The following ATP10B variants were observed in gnomAD, a reference collection of about 807,000 sequenced individuals.
ATP10B encodes the protein ATPase phospholipid transporting 10B (putative), also known as phospholipid-transporting ATPase VB.
ATP10B carries 122 observed loss-of-function variants against 141.2 expected under a neutral mutation model. The observed-to-expected ratio is 0.86, with a 90% confidence interval of 0.75 to 1.00. ATP10B has a LOEUF of 1.00. Among genes scored for constraint, ATP10B ranks in the 50% least tolerant of loss-of-function variants. ATP10B has a pLI of 0.00. For synonymous variants in ATP10B, 685 were observed against 692.0 expected, an observed-to-expected ratio of 0.99 and a Z score of 0.16; for missense variants, 1,876 against 1,825.3, an observed-to-expected ratio of 1.03 and a Z score of -0.51.
At chr5:160,748,160 G>T (rs371328503) in intron 2 of ATP10B, among the ~76,000 whole-genome samples, 1 of 151,766 alleles carries the variant, frequency 6.6e-6, no homozygotes, top group East Asian at 1.9e-4. Context: ...CTGCAGTACC[G>T]CTTTTGGAAG....
At chr5:160,655,582 C>A (rs1478527606) in intron 7 of ATP10B, among the ~76,000 whole-genome samples, 3 of 152,086 alleles carry the variant, frequency 2.0e-5, no homozygotes, top group Non-Finnish European at 4.4e-5. Context: ...TGAGGAGATG[C>A]AAAGCAGACC....
chr5:160,826,557 A>G (rs942088905), intron 1 of ATP10B, among the ~76,000 whole-genome samples: 4 of 152,170 alleles, frequency 2.6e-5, no homozygotes, highest in African/African-American at 7.2e-5. Context: ...GTGCACCTTG[A>G]AAAAGAACAG....
intron 7 of ATP10B, among the ~76,000 whole-genome samples, chr5:160,652,944 TATA>T (rs1409926626): frequency 1.1e-5 from 1 of 89,590 alleles, no homozygotes. Flanking sequence ...TACATGTATA[TATA>T]ATATATTATA....
At chr5:160,594,121 T>C (rs1756514540) in intron 22 of ATP10B, among the ~76,000 whole-genome samples, 3 of 152,112 alleles carry the variant, frequency 2.0e-5, no homozygotes, top group Admixed American at 1.3e-4. Flanking sequence ...GGAAAAAATG[T>C]CAAGGGCAGC....
At chr5:160,707,044 A>G (rs1427062313) in intron 3 of ATP10B, among the ~76,000 whole-genome samples, 2 of 151,940 alleles carry the variant, frequency 1.3e-5, no homozygotes, top group Non-Finnish European at 2.9e-5. Flanking sequence ...TCCGCCCCCC[A>G]GGTTCAAGCA....
chr5:160,704,914 C>CATCTTTTTTTTTTTTTTTTTTTTTTTT (rs1764895267), intron 3 of ATP10B, among the ~76,000 whole-genome samples: 5 of 83,624 alleles, frequency 6.0e-5, no homozygotes, highest in Non-Finnish European at 8.0e-5. Flanking sequence ...TTTCTTTCAT[C>CATCTTTTTTTTTTTTTTTTTTTTTTTT]TTTTTTTTTT....
At chr5:160,908,045 C>T in the ATP10B span, among the ~76,000 whole-genome samples, 1 of 152,122 alleles carries the variant, frequency 6.6e-6, no homozygotes, top group Non-Finnish European at 1.5e-5. Flanking sequence ...AAACCACTAC[C>T]CAATAAAGCC....
intron 2 of ATP10B, among the ~76,000 whole-genome samples, chr5:160,730,387 G>A (rs1766654443): frequency 6.6e-6 from 1 of 151,978 alleles, no homozygotes; most frequent in African/African-American, 2.4e-5. Flanking sequence ...AGGAACTTGA[G>A]GCAAATAAAG....
chr5:160,813,367 C>T (rs529970145), intron 1 of ATP10B, among the ~76,000 whole-genome samples: 3 of 152,080 alleles, frequency 2.0e-5, no homozygotes, highest in Admixed American at 6.5e-5. Flanking sequence ...GTCCTACGCC[C>T]ACAGAGCCTC....
rs1763862224 is a variant in ATP10B, at chr5:160,687,936, C to T, written c.139G>A (p.Val47Ile). ...RQSYNLTQQR[V>I]VFPNNSIFHQ... ...AATATGCTGTTGTTGGGGAACACGACCCGCTGCTGTGTCAAGTTGTAGCTC... is the reference window on the plus strand; with the variant it reads ...AATATGCTGTTGTTGGGGAACACGATCCGCTGCTGTGTCAAGTTGTAGCTC... The change falls in exon 5 of 26, where the codon GTC (valine) becomes ATC (isoleucine). Residue 47 changes from valine (V) to isoleucine (I), a missense_variant. Val to Ile is a conservative substitution (Grantham distance 29, BLOSUM62 3). Transcript: ENST00000327245. 1.2e-6 allele frequency: 2 copies of T among 1,614,128 alleles called. No homozygotes were observed. The highest frequency in any genetic ancestry group is 1.7e-6 in the Non-Finnish European group (2 of 1,180,026).
chr5:160,749,760 C>T (rs1268972868), intron 2 of ATP10B, among the ~76,000 whole-genome samples: 2 of 152,074 alleles, frequency 1.3e-5, no homozygotes, highest in Non-Finnish European at 2.9e-5. Flanking sequence ...ACTGGACTTC[C>T]TGGAAGAAAG....
At chr5:160,735,690 A>G in intron 2 of ATP10B, among the ~76,000 whole-genome samples, 1 of 152,178 alleles carries the variant, frequency 6.6e-6, no homozygotes, top group East Asian at 1.9e-4. Flanking sequence ...ACTACTGAAT[A>G]TACATTAGTT....
chr5:160,783,995 G>C (rs1770950280), intron 2 of ATP10B, among the ~76,000 whole-genome samples: 1 of 152,176 alleles, frequency 6.6e-6, no homozygotes, highest in Non-Finnish European at 1.5e-5. Context: ...GCTCATCAGG[G>C]AACTGAAATT....
At chr5:160,582,567 C>G (rs1755624934) in intron 24 of ATP10B, among the ~76,000 whole-genome samples, 1 of 152,074 alleles carries the variant, frequency 6.6e-6, no homozygotes, top group Non-Finnish European at 1.5e-5. Context: ...TCTGGTTGCC[C>G]TTAGTATTTT....
At chr5:160,857,900 G>A in the ATP10B span, among the ~76,000 whole-genome samples, 17 of 151,748 alleles carry the variant, frequency 1.1e-4, no homozygotes, top group Middle Eastern at 3.4e-3. Flanking sequence ...TAAATTTGTC[G>A]ACATTCATTT....
intron 1 of ATP10B, among the ~76,000 whole-genome samples, chr5:160,795,502 C>G (rs1223412257): frequency 6.6e-6 from 1 of 151,978 alleles, no homozygotes; most frequent in African/African-American, 2.4e-5. Context: ...AGGATAGTCA[C>G]AATGAATAGG....
At chr5:160,766,381 C>G (rs1358170622) in intron 2 of ATP10B, among the ~76,000 whole-genome samples, 3 of 126,616 alleles carry the variant, frequency 2.4e-5, no homozygotes, top group African/African-American at 9.1e-5. Flanking sequence ...CACACACACA[C>G]ACAGACACTC....
chr5:160,927,008 A>G, the ATP10B span, among the ~76,000 whole-genome samples: 1 of 152,232 alleles, frequency 6.6e-6, no homozygotes. Context: ...TTACCTGTGC[A>G]TCTCAAAACA....
intron 2 of ATP10B, among the ~76,000 whole-genome samples, chr5:160,747,538 ACAG>A (rs1310909681): frequency 6.6e-6 from 1 of 152,194 alleles, no homozygotes; most frequent in Non-Finnish European, 1.5e-5. Flanking sequence ...AGACACAGAC[ACAG>A]CAGAAGGGTG....
Sources: gnomAD v4.1 joint callset for allele counts (sites outside exome capture counted in the v4.1 genomes callset) on GRCh38, gnomAD v4.1.1 for gene constraint, MANE v1.5 for transcripts, NCBI Gene and HGNC (gene_info 2026-07-23, HGNC 2026-07-21) for gene names.